The following CYB5R4 variants were observed in gnomAD, a reference collection of about 807,000 sequenced individuals.
CYB5R4 encodes N-terminal cytochrome b5 and cytochrome b5 oxidoreductase domain-containing protein.
Under a neutral mutation model 70.2 loss-of-function variants are expected in CYB5R4, and 55 were observed. That is an observed-to-expected ratio of 0.78 (90% CI 0.63 to 0.98). The LOEUF is 0.98. CYB5R4 is among the 50% of genes least tolerant of loss of function. The pLI, the probability that CYB5R4 is intolerant of heterozygous loss-of-function variation, is 0.00. For missense variants in CYB5R4, 562 were observed against 612.6 expected, an observed-to-expected ratio of 0.92 and a Z score of 0.87; for synonymous variants, 197 against 199.5, an observed-to-expected ratio of 0.99 and a Z score of 0.11.
chr6:83,924,069 CAAAAAAAAA>C (rs34702511), intron 9 of CYB5R4, among the ~76,000 whole-genome samples: 1 of 52,896 alleles, frequency 1.9e-5, no homozygotes, highest in Non-Finnish European at 3.4e-5. Flanking sequence ...GACTCCGTCT[CAAAAAAAAA>C]AAAAAAAAAA....
At chr6:83,886,627 G>A (rs571325664) in intron 2 of CYB5R4, among the ~76,000 whole-genome samples, 1 of 152,258 alleles carries the variant, frequency 6.6e-6, no homozygotes, top group East Asian at 1.9e-4. Context: ...GGGGTAGGGT[G>A]GATGGGAGTA....
At chr6:83,900,074 G>C (rs2099462641) in intron 3 of CYB5R4, among the ~76,000 whole-genome samples, 1 of 152,040 alleles carries the variant, frequency 6.6e-6, no homozygotes, top group Non-Finnish European at 1.5e-5. Flanking sequence ...GTCAATTTTG[G>C]ATCTTTCCTG....
chr6:83,948,707 T>C (rs1169579903), intron 14 of CYB5R4, among the ~76,000 whole-genome samples: 1 of 152,228 alleles, frequency 6.6e-6, no homozygotes, highest in African/African-American at 2.4e-5. Flanking sequence ...TTAAGGAAAG[T>C]GTTGACAGTC....
At chr6:83,869,475 C>T (rs756159618) in intron 2 of CYB5R4, among the ~76,000 whole-genome samples, 4 of 152,172 alleles carry the variant, frequency 2.6e-5, no homozygotes, top group Non-Finnish European at 5.9e-5. Context: ...GTGCACATTC[C>T]TAGCTGAGGT....
At chr6:83,927,573 A>T (rs2099467494) in intron 10 of CYB5R4, among the ~76,000 whole-genome samples, 1 of 152,212 alleles carries the variant, frequency 6.6e-6, no homozygotes, top group Admixed American at 6.5e-5. Flanking sequence ...ACTATAAAGG[A>T]TATTACAAAG....
At chr6:83,934,122 C>CGT (rs2099468559) in intron 10 of CYB5R4, among the ~76,000 whole-genome samples, 1 of 151,590 alleles carries the variant, frequency 6.6e-6, no homozygotes, top group South Asian at 2.1e-4. Context: ...TAGAATGTAC[C>CGT]GTGGCTCATG....
intron 3 of CYB5R4, among the ~76,000 whole-genome samples, chr6:83,894,093 T>C (rs1193376189): frequency 6.6e-6 from 1 of 152,210 alleles, no homozygotes; most frequent in Non-Finnish European, 1.5e-5. Flanking sequence ...AGTTAGCCGA[T>C]GGTGATTAAT....
Position 83,882,371 on chromosome 6 carries a change from G to A in CYB5R4, c.230-11151G>A, listed in dbSNP as rs139227593. Among the ~76,000 whole-genome samples, 428 of 152,228 alleles carry A rather than the reference G, an allele frequency of 2.8e-3. 3 individuals carry two copies. The highest frequency in any genetic ancestry group is 3.6e-3 in the Non-Finnish European group (246 of 68,016). On this transcript the variant is annotated intron_variant, in intron 2 of 15. Coordinates refer to ENST00000369681, the MANE Select transcript of CYB5R4 (RefSeq NM_016230.4). ...TATAAACTGTCTAAATCTTGTATAC[G>A]GGACAGACTCTATGCTACCTGAAGG...
chr6:83,885,402 ACT>A (rs1370215983), intron 2 of CYB5R4, among the ~76,000 whole-genome samples: 3 of 152,140 alleles, frequency 2.0e-5, no homozygotes, highest in African/African-American at 7.2e-5. Flanking sequence ...ATATTTTGAG[ACT>A]CTCTGACTTT....
At chr6:83,901,052 C>A (rs1355917210) in intron 3 of CYB5R4, among the ~76,000 whole-genome samples, 1 of 152,196 alleles carries the variant, frequency 6.6e-6, no homozygotes, top group African/African-American at 2.4e-5. Flanking sequence ...CAGTTTCTTC[C>A]TAGCCTCGAT....
At chr6:83,887,797 A>T (rs924719563) in intron 2 of CYB5R4, among the ~76,000 whole-genome samples, 9 of 152,034 alleles carry the variant, frequency 5.9e-5, no homozygotes, top group African/African-American at 2.2e-4. Context: ...GGGTGGGTGA[A>T]TGGATAGATG....
intron 2 of CYB5R4, among the ~76,000 whole-genome samples, chr6:83,876,439 T>A (rs1429126898): frequency 1.3e-5 from 2 of 152,042 alleles, no homozygotes; most frequent in African/African-American, 4.8e-5. Flanking sequence ...GTTGACATAG[T>A]TATCATTATA....
At chr6:83,910,803 A>G (rs2099464557) in intron 4 of CYB5R4, among the ~76,000 whole-genome samples, 3 of 152,338 alleles carry the variant, frequency 2.0e-5, no homozygotes, top group Non-Finnish European at 4.4e-5. Context: ...ATGAACTTCT[A>G]AAAATACAGC....
chr6:83,930,453 T>G (rs1391866103), intron 10 of CYB5R4, among the ~76,000 whole-genome samples: 1 of 152,188 alleles, frequency 6.6e-6, no homozygotes, highest in East Asian at 1.9e-4. Flanking sequence ...CAGGAGTAGA[T>G]TCCATCTCAA....
chr6:83,876,540 A>G (rs190035337), intron 2 of CYB5R4, among the ~76,000 whole-genome samples: 27 of 149,086 alleles, frequency 1.8e-4, no homozygotes. Flanking sequence ...TATGATATAC[A>G]TTTCTAATGT....
chr6:83,887,403 A>C (rs1402257608), intron 2 of CYB5R4, among the ~76,000 whole-genome samples: 2 of 152,208 alleles, frequency 1.3e-5, no homozygotes, highest in Non-Finnish European at 2.9e-5. Context: ...TTTTATTCAG[A>C]GAACTTGTTT....
intron 1 of CYB5R4, among the ~76,000 whole-genome samples, chr6:83,861,522 G>C (rs1470520649): frequency 6.6e-6 from 1 of 152,242 alleles, no homozygotes; most frequent in African/African-American, 2.4e-5. Flanking sequence ...TGTCTTTGGA[G>C]TTTGCATGCT....
At chr6:83,937,120 C>G (rs2099469037) in intron 12 of CYB5R4, among the ~76,000 whole-genome samples, 1 of 151,994 alleles carries the variant, frequency 6.6e-6, no homozygotes, top group Non-Finnish European at 1.5e-5. Flanking sequence ...ACTAAAAATA[C>G]AAAAATTAGC....
intron 14 of CYB5R4, 140 bp from the exon 15 acceptor site, chr6:83,955,158 T>C (rs1250683141): frequency 1.6e-6 from 1 of 627,604 alleles, no homozygotes; most frequent in East Asian, 3.0e-5. Context: ...TACAATTTTT[T>C]TCAGTGTTTT....
Sources: gnomAD v4.1 joint callset for allele counts (sites outside exome capture counted in the v4.1 genomes callset) on GRCh38, gnomAD v4.1.1 for gene constraint, MANE v1.5 for transcripts, NCBI Gene and HGNC (gene_info 2026-07-23, HGNC 2026-07-21) for gene names.